Variants in OOSP4A observed in about 807,000 individuals in gnomAD.
OOSP4A encodes the protein oocyte secreted protein family member 4A.
chr11:59,967,653 A>G (rs1277298217), intron 3 of OOSP4A, among the ~76,000 whole-genome samples: 2 of 151,254 alleles, frequency 1.3e-5, no homozygotes, highest in East Asian at 1.9e-4. Flanking sequence ...TTTGTATTTT[A>G]TATATATATC....
chr11:59,966,664 TG>T (rs896811470), intron 2 of OOSP4A, among the ~76,000 whole-genome samples: 1 of 152,064 alleles, frequency 6.6e-6, no homozygotes. Context: ...TTAGTAGAGA[TG>T]GGGTTTCACC....
chr11:59,968,663 G>A (rs994165629), intron 3 of OOSP4A, among the ~76,000 whole-genome samples: 1 of 152,174 alleles, frequency 6.6e-6, no homozygotes, highest in African/African-American at 2.4e-5. Context: ...CAGATAGTTG[G>A]GAGTAAAATG....
At chr11:59,969,523 A>G (rs1854134925) in intron 4 of OOSP4A, among the ~76,000 whole-genome samples, 1 of 152,194 alleles carries the variant, frequency 6.6e-6, no homozygotes, top group Admixed American at 6.5e-5. Context: ...TAGTTCTTTT[A>G]TGTTAATTTA....
chr11:59,970,136 T>C, exon 5 of OOSP4A: 1 of 398,110 alleles, frequency 2.5e-6, no homozygotes, highest in Non-Finnish European at 4.4e-6. Context: ...GAGGCTACCC[T>C]ACTTCACCTG....
At chr11:59,967,263 G>C (rs1854110592) in intron 3 of OOSP4A, 99 bp downstream of exon 3, 2 of 393,294 alleles carry the variant, frequency 5.1e-6, no homozygotes, top group Non-Finnish European at 9.0e-6. Context: ...GCTAAGGTTG[G>C]ACATTGGATC....
chr11:59,964,741 CAGT>C (rs1207835319), intron 1 of OOSP4A, among the ~76,000 whole-genome samples: 1 of 151,980 alleles, frequency 6.6e-6, no homozygotes, highest in African/African-American at 2.4e-5. Context: ...GGAGTAACTG[CAGT>C]ATTATTTTGT....
At chr11:59,965,152 AG>A (rs1195078749) in intron 1 of OOSP4A, among the ~76,000 whole-genome samples, 1 of 30,862 alleles carries the variant, frequency 3.2e-5, no homozygotes, top group East Asian at 1.3e-3. Flanking sequence ...GGGGTGGGGG[AG>A]GGGGGAGGGG....
chr11:59,968,082 T>C (rs1385276588), intron 3 of OOSP4A, among the ~76,000 whole-genome samples: 2 of 152,174 alleles, frequency 1.3e-5, no homozygotes, highest in Admixed American at 6.5e-5. Flanking sequence ...TCCTAGAGTT[T>C]TACAGAGCAC....
chr11:59,968,024 C>G (rs1854118823), intron 3 of OOSP4A, among the ~76,000 whole-genome samples: 1 of 152,184 alleles, frequency 6.6e-6, no homozygotes, highest in Non-Finnish European at 1.5e-5. Context: ...AAAATCAAGT[C>G]AGGTCCCTAT....
At chr11:59,969,199 C>T (rs1018568078) in exon 4 of OOSP4A, 4 of 398,660 alleles carry the variant, frequency 1.0e-5, no homozygotes, top group East Asian at 3.6e-5. Flanking sequence ...TGATAGCCGT[C>T]GTGAATGCAG....
chr11:59,969,125 A>G (rs1854132001), intron 3 of OOSP4A, 25 bp from the exon 4 acceptor site: 3 of 398,298 alleles, frequency 7.5e-6, no homozygotes, highest in African/African-American at 6.2e-5. Flanking sequence ...TACAAAGCTT[A>G]AATATATTTT....
chr11:59,969,901 C>T (rs910700399), intron 4 of OOSP4A, 148 bp from the exon 5 acceptor site: 2 of 388,184 alleles, frequency 5.2e-6, no homozygotes, highest in East Asian at 7.3e-5. Context: ...ATTTGTGATA[C>T]TTGAATCATT....
rs145437924 is a variant in OOSP4A at position 59,967,809 on chromosome 11, T to C, written c.344+645T>C. 1.3e-5 allele frequency among the ~76,000 whole-genome samples: 2 copies of C among 152,176 alleles called. 1 individual carries two copies. Among genetic ancestry groups the C allele is most frequent in the East Asian group, 3.9e-4 (2 of 5,172 alleles). On this transcript the variant is annotated intron_variant, in intron 3 of 4. Coordinates refer to ENST00000645590, the Ensembl canonical transcript of OOSP4A. The stretch of plus-strand genomic sequence containing the variant: ...ATTCTGCTTGTGGTCAAATCCCTGG[T>C]TGAGCTGTTCACAAGGCCCAGTTGC...
chr11:59,965,484 G>T, intron 1 of OOSP4A, 51 bp from the exon 2 acceptor site: 1 of 397,998 alleles, frequency 2.5e-6, no homozygotes, highest in Non-Finnish European at 4.4e-6. Context: ...TCTTTGTTTG[G>T]GGGCAGACGT....
chr11:59,970,065 T>C (rs1023968141), exon 5 of OOSP4A: 1 of 398,218 alleles, frequency 2.5e-6, no homozygotes, highest in Non-Finnish European at 4.4e-6. Flanking sequence ...TGTTCCCTTG[T>C]TGAGCTACCT....
intron 4 of OOSP4A, among the ~76,000 whole-genome samples, chr11:59,969,525 G>A (rs73493155): frequency 0.027 from 4,142 of 152,214 alleles, 190 homozygotes; most frequent in African/African-American, 0.092. Flanking sequence ...GTTCTTTTAT[G>A]TTAATTTACT....
intron 3 of OOSP4A, among the ~76,000 whole-genome samples, chr11:59,967,741 T>A (rs1256573642): frequency 6.6e-6 from 1 of 151,944 alleles, no homozygotes; most frequent in East Asian, 1.9e-4. Context: ...TTTTCTGCAA[T>A]GAGAGAGTAA....
chr11:59,966,600 C>A (rs1194111332), intron 2 of OOSP4A, among the ~76,000 whole-genome samples: 2 of 152,104 alleles, frequency 1.3e-5, no homozygotes, highest in Non-Finnish European at 2.9e-5. Flanking sequence ...CTCAGCCTTC[C>A]AAGTAGCTGG....
At chr11:59,965,662 G>T in exon 2 of OOSP4A, 2 of 398,468 alleles carry the variant, frequency 5.0e-6, no homozygotes, top group Non-Finnish European at 8.9e-6. Flanking sequence ...TGGTCGAGGT[G>T]GATTTCTTTG....
Sources: allele counts gnomAD v4.1 joint callset (sites outside exome capture counted in the v4.1 genomes callset), GRCh38; gene constraint gnomAD v4.1.1; transcripts MANE v1.5; gene names NCBI Gene and HGNC (gene_info 2026-07-23, HGNC 2026-07-21).